Variants in LRP1B observed in about 807,000 individuals in gnomAD.
LRP1B encodes low-density lipoprotein receptor-related protein 1B.
LRP1B carries 217 observed loss-of-function variants against 556.6 expected under a neutral mutation model. That is an observed-to-expected ratio of 0.39 (90% CI 0.35 to 0.44). The LOEUF is 0.44. Among genes scored for constraint, LRP1B ranks in the 20% least tolerant of loss-of-function variants. The pLI, the probability that LRP1B is intolerant of heterozygous loss-of-function variation, is 1.00. For missense variants in LRP1B, 5,053 were observed against 5,620.8 expected (o/e 0.90, Z 3.23); for synonymous variants, 2,047 against 1,865.8 (o/e 1.10, Z -2.50).
chr2:140,668,394 C>T (rs6725293), intron 41 of LRP1B, among the ~76,000 whole-genome samples: 5,990 of 138,098 alleles, frequency 0.043, 261 homozygotes, highest in African/African-American at 0.1. Context: ...TGTATTACTT[C>T]GGTCATTTTT....
At chr2:141,827,984 A>T (rs352977) in intron 1 of LRP1B, among the ~76,000 whole-genome samples, 1 of 151,902 alleles carries the variant, frequency 6.6e-6, no homozygotes, top group African/African-American at 2.4e-5. Flanking sequence ...GAAGACTGCC[A>T]CTTCAACAGG....
chr2:141,537,839 T>C (rs1485011502), intron 2 of LRP1B, among the ~76,000 whole-genome samples: 5 of 152,234 alleles, frequency 3.3e-5, no homozygotes, highest in Middle Eastern at 6.8e-3. Flanking sequence ...ATTGTGCTAA[T>C]AGATAAGACA....
At chr2:140,841,157 T>TACA in intron 29 of LRP1B, 65 bp from the exon 30 acceptor site, 2 of 1,055,664 alleles carry the variant, frequency 1.9e-6, no homozygotes, top group Non-Finnish European at 2.7e-6. Flanking sequence ...GCTCTGCAAG[T>TACA]AGTTATTTTC....
intron 21 of LRP1B, among the ~76,000 whole-genome samples, chr2:140,910,568 A>G (rs2105236920): frequency 6.6e-6 from 1 of 151,998 alleles, no homozygotes; most frequent in Middle Eastern, 3.4e-3. Context: ...ATATTTTCAA[A>G]AATATTTCAT....
intron 3 of LRP1B, among the ~76,000 whole-genome samples, chr2:141,444,310 A>C (rs1257804753): frequency 6.6e-6 from 1 of 152,190 alleles, no homozygotes; most frequent in East Asian, 1.9e-4. Context: ...GAAGTTGCTT[A>C]TCAGCTTAAG....
At chr2:140,291,010 G>A (rs1033909991) in intron 84 of LRP1B, among the ~76,000 whole-genome samples, 2 of 151,886 alleles carry the variant, frequency 1.3e-5, no homozygotes, top group East Asian at 3.9e-4. Flanking sequence ...AATCTCAAAG[G>A]GTTGTGTGAA....
chr2:140,574,139 T>C (rs1329515508), intron 43 of LRP1B, among the ~76,000 whole-genome samples: 5 of 152,102 alleles, frequency 3.3e-5, no homozygotes, highest in African/African-American at 1.2e-4. Context: ...TAATTAAAAA[T>C]TGGAAAAATC....
intron 66 of LRP1B, among the ~76,000 whole-genome samples, chr2:140,419,165 A>G (rs937561616): frequency 6.6e-6 from 1 of 152,206 alleles, no homozygotes; most frequent in Non-Finnish European, 1.5e-5. Context: ...AGAGGCCACA[A>G]TCATATCAAA....
At chr2:140,378,510 C>T (rs143765036) in intron 67 of LRP1B, among the ~76,000 whole-genome samples, 2,863 of 152,112 alleles carry the variant, frequency 0.019, 43 homozygotes, top group Non-Finnish European at 0.023. Context: ...ATTACAAAAA[C>T]AAGTTGGAAC....
At chr2:141,937,061 A>G (rs1257422281) in intron 1 of LRP1B, among the ~76,000 whole-genome samples, 11 of 141,392 alleles carry the variant, frequency 7.8e-5, no homozygotes, top group Non-Finnish European at 4.6e-5. Flanking sequence ...AAGTAACCTT[A>G]AAGTAAATTT....
At chr2:141,215,399 G>C (rs2105262775) in intron 6 of LRP1B, among the ~76,000 whole-genome samples, 1 of 152,290 alleles carries the variant, frequency 6.6e-6, no homozygotes, top group East Asian at 1.9e-4. Context: ...CAGATAATTG[G>C]TACAGAGGAG....
At chr2:140,459,000 C>T (rs1467338613) in intron 60 of LRP1B, among the ~76,000 whole-genome samples, 1 of 151,916 alleles carries the variant, frequency 6.6e-6, no homozygotes, top group East Asian at 1.9e-4. Flanking sequence ...AGAACAGATA[C>T]TAATCATATG....
At chr2:140,361,971 T>C (rs1292097687) in intron 72 of LRP1B, among the ~76,000 whole-genome samples, 5 of 151,560 alleles carry the variant, frequency 3.3e-5, no homozygotes, top group Admixed American at 6.6e-5. Flanking sequence ...TCCATTCAAA[T>C]GGGAAAGCAA....
chr2:140,577,512 GCTCAAGC>G (rs1364731442), intron 43 of LRP1B, among the ~76,000 whole-genome samples: 5 of 151,846 alleles, frequency 3.3e-5, no homozygotes, highest in African/African-American at 4.8e-5. Context: ...AAACTCCTGG[GCTCAAGC>G]GATCTTCCCA....
chr2:141,692,497 C>T (rs1691574909), intron 2 of LRP1B, among the ~76,000 whole-genome samples: 1 of 151,934 alleles, frequency 6.6e-6, no homozygotes, highest in Non-Finnish European at 1.5e-5. Flanking sequence ...CATTGTTTCC[C>T]AGGAGAAGCT....
chr2:141,601,599 T>TTTCCTTCCTTCCTTCCTTCC lies in LRP1B; in HGVS notation c.206-121086_206-121067dup, dbSNP rs59436887. ...GATTTAACCTGTATTGTAGCACTCCTTTCCTTCCTTCCTTCCTTCCTTCCT... is the reference window on the plus strand; with the variant it reads ...GATTTAACCTGTATTGTAGCACTCCTTTCCTTCCTTCCTTCCTTCCTTCCTTCCTTCCTTCCTTCCTTCCT... On this transcript the variant is annotated intron_variant, in intron 2 of 90. Coordinates refer to ENST00000389484, the MANE Select transcript of LRP1B (RefSeq NM_018557.3). Among the ~76,000 whole-genome samples the TTTCCTTCCTTCCTTCCTTCC allele has an allele frequency of 9.7e-3, 1,362 of 140,678 alleles. 20 individuals are homozygous for TTTCCTTCCTTCCTTCCTTCC. Among genetic ancestry groups the TTTCCTTCCTTCCTTCCTTCC allele is most frequent in the African/African-American group, 0.017 (612 of 36,664 alleles). The allele number at this position is 140,678 out of a possible 152,430, so 92.3% of individuals were successfully genotyped here.
chr2:141,476,160 C>T (rs1682698057), intron 3 of LRP1B, among the ~76,000 whole-genome samples: 1 of 152,168 alleles, frequency 6.6e-6, no homozygotes, highest in Non-Finnish European at 1.5e-5. Flanking sequence ...GGGGTTTGAG[C>T]CCATGGCGGC....
At chr2:140,370,600 G>T in intron 71 of LRP1B, 110 bp downstream of exon 71, 2 of 1,387,036 alleles carry the variant, frequency 1.4e-6, no homozygotes, top group Admixed American at 2.2e-5. Context: ...AGAGTAAAGA[G>T]AATTATTTAA....
At chr2:140,386,731 A>C (rs1398457626) in intron 66 of LRP1B, among the ~76,000 whole-genome samples, 1 of 152,212 alleles carries the variant, frequency 6.6e-6, no homozygotes, top group Non-Finnish European at 1.5e-5. Flanking sequence ...ATATAAAGGA[A>C]GTGTGCTTCT....
Sources: gnomAD v4.1 joint callset for allele counts (sites outside exome capture counted in the v4.1 genomes callset) on GRCh38, gnomAD v4.1.1 for gene constraint, MANE v1.5 for transcripts, NCBI Gene and HGNC (gene_info 2026-07-23, HGNC 2026-07-21) for gene names.